The following CTNNA2 variants were observed in gnomAD, a reference collection of about 807,000 sequenced individuals.
CTNNA2 encodes catenin alpha 2, also known as catenin alpha-2.
Under a neutral mutation model 101.0 loss-of-function variants are expected in CTNNA2, and 42 were observed. That is an observed-to-expected ratio of 0.42 (90% confidence interval 0.32 to 0.54). The LOEUF (loss-of-function observed/expected upper bound fraction) is 0.54. Among genes scored for constraint, CTNNA2 ranks in the 20% least tolerant of loss-of-function variants. The pLI is 0.14. For synonymous variants in CTNNA2, 450 were observed against 456.4 expected, an observed-to-expected ratio of 0.99 and a Z score of 0.18; for missense variants, 871 against 1,223.1, an observed-to-expected ratio of 0.71 and a Z score of 4.29.
intron 9 of CTNNA2, among the ~76,000 whole-genome samples, chr2:80,422,242 C>G (rs563765933): frequency 4.9e-4 from 74 of 152,244 alleles, no homozygotes; most frequent in African/African-American, 1.5e-3. Context: ...GGGAAGTCCC[C>G]TTTATAAAAC....
intron 3 of CTNNA2, among the ~76,000 whole-genome samples, chr2:79,753,309 C>T (rs1672169551): frequency 1.3e-5 from 2 of 152,124 alleles, no homozygotes; most frequent in South Asian, 4.1e-4. Flanking sequence ...ATACGGTAGT[C>T]AGTAATCTTA....
chr2:79,748,386 C>G (rs543620338), intron 3 of CTNNA2, among the ~76,000 whole-genome samples: 1 of 152,328 alleles, frequency 6.6e-6, no homozygotes, highest in Non-Finnish European at 1.5e-5. Flanking sequence ...ATTATGGACA[C>G]ACTGACATTT....
At chr2:80,019,860 A>G (rs529791228) in intron 7 of CTNNA2, among the ~76,000 whole-genome samples, 4 of 152,290 alleles carry the variant, frequency 2.6e-5, no homozygotes, top group African/African-American at 9.6e-5. Context: ...TTGGATTTAA[A>G]CACAGGGATT....
At chr2:80,317,551 C>T (rs1678246437) in intron 7 of CTNNA2, among the ~76,000 whole-genome samples, 1 of 152,110 alleles carries the variant, frequency 6.6e-6, no homozygotes, top group South Asian at 2.1e-4. Context: ...CCAAACTTGA[C>T]CCTTTTAAAA....
intron 7 of CTNNA2, among the ~76,000 whole-genome samples, chr2:79,936,334 A>G (rs1687788344): frequency 6.6e-6 from 1 of 151,726 alleles, no homozygotes. Context: ...GTTTATCTAC[A>G]GTTTACGGTA....
chr2:80,107,689 G>A (rs1386654244), intron 7 of CTNNA2, among the ~76,000 whole-genome samples: 7 of 152,194 alleles, frequency 4.6e-5, no homozygotes, highest in African/African-American at 9.6e-5. Context: ...GCAGAGGGCC[G>A]TCACCCCACC....
chr2:79,345,099 G>GTTT (rs1400346592), intron 3 of CTNNA2, among the ~76,000 whole-genome samples: 1 of 47,484 alleles, frequency 2.1e-5, no homozygotes, highest in African/African-American at 5.4e-5. Context: ...TATGGAATGT[G>GTTT]TTTTTTTTTA....
At chr2:79,978,121 G>T (rs1461476785) in intron 7 of CTNNA2, among the ~76,000 whole-genome samples, 2 of 152,014 alleles carry the variant, frequency 1.3e-5, no homozygotes, top group African/African-American at 4.8e-5. Flanking sequence ...GATGCATATT[G>T]TTTTTTTCTT....
At chr2:79,936,404 A>G (rs960341812) in intron 7 of CTNNA2, among the ~76,000 whole-genome samples, 1 of 152,040 alleles carries the variant, frequency 6.6e-6, no homozygotes. Context: ...TTATGCCTCT[A>G]CTTCCTGAAT....
chr2:80,168,818 A>T (rs2148958394), intron 7 of CTNNA2, among the ~76,000 whole-genome samples: 1 of 152,034 alleles, frequency 6.6e-6, no homozygotes, highest in African/African-American at 2.4e-5. Context: ...GGTGATTCGA[A>T]TGTATAGTAG....
chr2:80,588,342 C>T (rs1696148662), intron 14 of CTNNA2, among the ~76,000 whole-genome samples: 1 of 152,162 alleles, frequency 6.6e-6, no homozygotes, highest in African/African-American at 2.4e-5. Context: ...ATTAAATAGA[C>T]TGCAAAAAGT....
At chr2:79,860,842 A>T (rs1345057419) in intron 4 of CTNNA2, among the ~76,000 whole-genome samples, 1 of 152,146 alleles carries the variant, frequency 6.6e-6, no homozygotes, top group African/African-American at 2.4e-5. Context: ...AAACAAACAT[A>T]GCACATAGTT....
In CTNNA2 at chr2:80,505,608, G is replaced by C. The variant is rs541211344; in HGVS notation, c.1291-39374G>C. On this transcript the variant is annotated intron_variant, in intron 9 of 18. Transcript: ENST00000402739. ...GGTGGATGAAGGGGAACATGAATTA[G>C]GGGTGATATCTAAAGTTCCACAACA... Among the ~76,000 whole-genome samples the C allele has an allele frequency of 2.0e-5, 3 of 152,274 alleles. No homozygotes were observed. The South Asian group carries it at 6.2e-4, about 32-fold the overall frequency.
chr2:79,656,691 A>G (rs1386490748), intron 2 of CTNNA2, among the ~76,000 whole-genome samples: 1 of 152,086 alleles, frequency 6.6e-6, no homozygotes, highest in African/African-American at 2.4e-5. Context: ...TGCTAATGAG[A>G]AGAGATATTC....
chr2:79,462,060 A>G (rs1278506273), intron 4 of CTNNA2, among the ~76,000 whole-genome samples: 1 of 152,146 alleles, frequency 6.6e-6, no homozygotes, highest in African/African-American at 2.4e-5. Flanking sequence ...AATTTTACCG[A>G]TATGAAAGGG....
At chr2:80,574,379 G>C in intron 13 of CTNNA2, 65 bp downstream of exon 13, 2 of 1,447,984 alleles carry the variant, frequency 1.4e-6, no homozygotes, top group South Asian at 3.2e-5. Context: ...AGAGCTAACT[G>C]TCTTATTTAT....
At chr2:79,375,375 T>C (rs1677955814) in intron 4 of CTNNA2, among the ~76,000 whole-genome samples, 1 of 152,160 alleles carries the variant, frequency 6.6e-6, no homozygotes, top group Non-Finnish European at 1.5e-5. Context: ...TGGCATGTAG[T>C]AGTTGTTCAT....
chr2:80,063,056 C>G (rs1697719155), intron 7 of CTNNA2, among the ~76,000 whole-genome samples: 2 of 152,192 alleles, frequency 1.3e-5, no homozygotes, highest in Admixed American at 6.5e-5. Context: ...TGCTCAAATA[C>G]TTAAACTTCT....
intron 7 of CTNNA2, chr2:80,298,803 T>C (rs1163142425): frequency 6.6e-6 from 1 of 152,242 alleles, no homozygotes; most frequent in Non-Finnish European, 1.5e-5. Context: ...GGTAACTTTG[T>C]AGTCTTGGGA....
Sources: allele counts gnomAD v4.1 joint callset (sites outside exome capture counted in the v4.1 genomes callset), GRCh38; gene constraint gnomAD v4.1.1; transcripts MANE v1.5; gene names NCBI Gene and HGNC (gene_info 2026-07-23, HGNC 2026-07-21).